The following NANS variants were observed in gnomAD, a reference collection of about 807,000 sequenced individuals.
NANS encodes N-acetylneuraminate-9-phosphate synthase.
Under a neutral mutation model 33.3 loss-of-function variants are expected in NANS, and 29 were observed. The ratio of observed to expected loss-of-function variants is 0.87; its 90% CI spans 0.65 to 1.19. The LOEUF (loss-of-function observed/expected upper bound fraction) is 1.19, where lower values mean the gene tolerates loss of function less well. Ranked by LOEUF, NANS falls within the 50% of genes most tolerant of loss-of-function variation. The pLI is 0.00. For missense variants in NANS, 394 were observed against 461.1 expected, an observed-to-expected ratio of 0.85 and a Z score of 1.33; for synonymous variants, 163 against 177.2, an observed-to-expected ratio of 0.92 and a Z score of 0.64.
intron 1 of NANS, among the ~76,000 whole-genome samples, chr9:98,060,064 A>G (rs1366382211): frequency 6.6e-6 from 1 of 152,158 alleles, no homozygotes; most frequent in African/African-American, 2.4e-5. Flanking sequence ...TGACTTATCT[A>G]AGAGTTAGGG....
intron 3 of NANS, among the ~76,000 whole-genome samples, chr9:98,077,336 G>A (rs1807849758): frequency 6.6e-6 from 1 of 150,982 alleles, no homozygotes; most frequent in Non-Finnish European, 1.5e-5. Flanking sequence ...TTAAGAATAT[G>A]ACAGTTTTTA....
intron 2 of NANS, among the ~76,000 whole-genome samples, chr9:98,070,244 A>G (rs775057026): frequency 6.6e-6 from 1 of 152,084 alleles, no homozygotes; most frequent in Non-Finnish European, 1.5e-5. Flanking sequence ...CAGCCTCCCA[A>G]GTAGCTGGGA....
intron 1 of NANS, among the ~76,000 whole-genome samples, chr9:98,058,753 C>T (rs1284748911): frequency 2.6e-5 from 4 of 152,166 alleles, no homozygotes; most frequent in African/African-American, 7.2e-5. Context: ...TAGCGAGACC[C>T]TGTCTCTAAT....
intron 1 of NANS, among the ~76,000 whole-genome samples, chr9:98,059,507 G>A (rs567269275): frequency 5.3e-5 from 8 of 152,162 alleles, no homozygotes; most frequent in African/African-American, 1.9e-4. Context: ...CTCAACCTCT[G>A]GGGATCAAGC....
intron 2 of NANS, among the ~76,000 whole-genome samples, chr9:98,067,084 A>T (rs1829170288): frequency 6.6e-6 from 1 of 152,144 alleles, no homozygotes; most frequent in South Asian, 2.1e-4. Context: ...ATATATCAGT[A>T]CTTCATTTCT....
intron 5 of NANS, 35 bp downstream of exon 5, chr9:98,081,117 C>A: frequency 1.2e-6 from 2 of 1,609,174 alleles, no homozygotes; most frequent in South Asian, 1.1e-5. Context: ...GTTCTGCTGC[C>A]GTGTGTGGAA....
At chr9:98,064,197 C>T (rs1829067227) in intron 2 of NANS, among the ~76,000 whole-genome samples, 1 of 152,176 alleles carries the variant, frequency 6.6e-6, no homozygotes, top group South Asian at 2.1e-4. Context: ...CCTTAATTCA[C>T]AGCATTCGTA....
intron 2 of NANS, among the ~76,000 whole-genome samples, chr9:98,065,800 C>A (rs7846772): frequency 0.29 from 44,725 of 151,810 alleles, 8,307 homozygotes; most frequent in African/African-American, 0.52. Flanking sequence ...GTGCTATTCT[C>A]ATGATAGTGA....
intron 3 of NANS, among the ~76,000 whole-genome samples, chr9:98,077,299 T>C (rs1829635772): frequency 6.6e-6 from 1 of 152,130 alleles, no homozygotes; most frequent in African/African-American, 2.4e-5. Context: ...CTTCCATTTT[T>C]TGTAAGCTAA....
chr9:98,077,245 G>A lies in NANS; in HGVS notation c.448+228G>A, dbSNP rs190799590. ...CCCAAAGTGCTAGGATTACAGGCATGAGCCACTGTGCCCTGCCAGAAACCT... is the reference window on the plus strand; with the variant it reads ...CCCAAAGTGCTAGGATTACAGGCATAAGCCACTGTGCCCTGCCAGAAACCT... On this transcript the variant is annotated intron_variant, in intron 3 of 5. Transcript: ENST00000210444. Among the ~76,000 whole-genome samples the A allele has an allele frequency of 3.4e-4, 52 of 152,240 alleles. No individual in the cohort carries two copies. In the East Asian group the frequency reaches 8.5e-3, roughly 25 times the overall value.
intron 2 of NANS, among the ~76,000 whole-genome samples, chr9:98,066,121 T>C (rs74635304): frequency 0.014 from 2,181 of 152,304 alleles, 51 homozygotes; most frequent in African/African-American, 0.05. Flanking sequence ...AACTTGACCA[T>C]ACCTAGTGTT....
intron 4 of NANS, 54 bp from the exon 5 acceptor site, chr9:98,080,762 A>G (rs1829816682): frequency 1.3e-6 from 2 of 1,522,392 alleles, no homozygotes; most frequent in Non-Finnish European, 1.8e-6. Context: ...CACCTGGAGA[A>G]TATGCATAAA....
At chr9:98,078,816 CAG>C (rs1028734442) in intron 4 of NANS, among the ~76,000 whole-genome samples, 5 of 127,984 alleles carry the variant, frequency 3.9e-5, no homozygotes, top group African/African-American at 3.2e-5. Flanking sequence ...GCCTGGGTGA[CAG>C]AGTGAGACTC....
chr9:98,070,586 A>G (rs1829296777), intron 2 of NANS, among the ~76,000 whole-genome samples: 1 of 151,264 alleles, frequency 6.6e-6, no homozygotes, highest in South Asian at 2.1e-4. Context: ...ACACCCGACT[A>G]ATTTTTGTAT....
chr9:98,072,211 G>T (rs759575322), intron 2 of NANS, among the ~76,000 whole-genome samples: 56 of 152,296 alleles, frequency 3.7e-4, no homozygotes, highest in Non-Finnish European at 6.8e-4. Context: ...CTATCTGGAG[G>T]ATTCAGGGAG....
At chr9:98,057,921 G>GTT (rs1491129722) in intron 1 of NANS, among the ~76,000 whole-genome samples, 31 of 87,444 alleles carry the variant, frequency 3.5e-4, no homozygotes, top group African/African-American at 8.6e-4. Flanking sequence ...TTTTTTTCCT[G>GTT]GTTTTTTTTT....
intron 4 of NANS, 61 bp downstream of exon 4, chr9:98,078,408 T>C (rs1587926902): frequency 1.9e-6 from 3 of 1,547,178 alleles, no homozygotes; most frequent in East Asian, 4.5e-5. Context: ...GCGTAGTCTT[T>C]TTTATAACCA....
chr9:98,057,920 T>G (rs1828874198), intron 1 of NANS, among the ~76,000 whole-genome samples: 1 of 110,580 alleles, frequency 9.0e-6, no homozygotes, highest in African/African-American at 4.0e-5. Context: ...TTTTTTTTCC[T>G]GGTTTTTTTT....
intron 2 of NANS, among the ~76,000 whole-genome samples, chr9:98,067,834 A>C (rs1262854800): frequency 6.6e-6 from 1 of 151,460 alleles, no homozygotes; most frequent in East Asian, 1.9e-4. Flanking sequence ...CAATCCTCCC[A>C]CCTCAGCCTC....
Sources: allele counts gnomAD v4.1 joint callset (sites outside exome capture counted in the v4.1 genomes callset), GRCh38; gene constraint gnomAD v4.1.1; transcripts MANE v1.5; gene names NCBI Gene and HGNC (gene_info 2026-07-23, HGNC 2026-07-21).